EPB41L4B: variants seen among roughly 807,000 people sequenced by gnomAD.
EPB41L4B encodes band 4.1-like protein 4B.
EPB41L4B carries 30 observed loss-of-function variants against 112.5 expected under a neutral mutation model. The observed-to-expected ratio is 0.27, with a 90% CI of 0.20 to 0.36. The LOEUF (loss-of-function observed/expected upper bound fraction) is 0.36, where lower values mean the gene tolerates loss of function less well. EPB41L4B is among the 10% of genes least tolerant of loss of function. The pLI is 1.00. For missense variants in EPB41L4B, 1,024 were observed against 1,133.3 expected (o/e 0.90, Z 1.38); for synonymous variants, 408 against 439.7 (o/e 0.93, Z 0.90).
intron 24 of EPB41L4B, among the ~76,000 whole-genome samples, chr9:109,178,902 TAAA>T (rs10625718): frequency 9.5e-6 from 1 of 105,132 alleles, no homozygotes; most frequent in Non-Finnish European, 1.8e-5. Flanking sequence ...ATACTTCAAG[TAAA>T]AAAAAAAAAA....
intron 14 of EPB41L4B, among the ~76,000 whole-genome samples, chr9:109,245,813 T>C (rs919683371): frequency 6.6e-6 from 1 of 152,168 alleles, no homozygotes; most frequent in Non-Finnish European, 1.5e-5. Flanking sequence ...ACCTCTAAGA[T>C]TGGCAAGGTC....
At chr9:109,288,971 G>A (rs571951633) in intron 1 of EPB41L4B, among the ~76,000 whole-genome samples, 1 of 152,182 alleles carries the variant, frequency 6.6e-6, no homozygotes, top group Admixed American at 6.5e-5. Flanking sequence ...CCAATCTAAG[G>A]TATTTAGTCA....
chr9:109,293,742 T>G (rs182292759), intron 1 of EPB41L4B, among the ~76,000 whole-genome samples: 4 of 151,890 alleles, frequency 2.6e-5, no homozygotes, highest in Admixed American at 6.6e-5. Context: ...AACTGTTTTT[T>G]GAAGGGCACT....
intron 1 of EPB41L4B, among the ~76,000 whole-genome samples, chr9:109,288,377 G>C (rs949397778): frequency 6.6e-6 from 1 of 152,034 alleles, no homozygotes; most frequent in African/African-American, 2.4e-5. Flanking sequence ...GAGTCCAGGA[G>C]TTCCAGACCA....
intron 13 of EPB41L4B, 80 bp from the exon 14 acceptor site, chr9:109,247,869 A>G: frequency 1.7e-6 from 2 of 1,151,946 alleles, no homozygotes; most frequent in South Asian, 1.7e-5. Context: ...TTTATTTAAC[A>G]ATCATGAACT....
chr9:109,316,961 C>T (rs1006757335), intron 1 of EPB41L4B, among the ~76,000 whole-genome samples: 2 of 151,952 alleles, frequency 1.3e-5, no homozygotes, highest in Admixed American at 6.6e-5. Flanking sequence ...TTTAATTAGC[C>T]GGGTGTAGTG....
At position 109,211,410 on chromosome 9, in the gene EPB41L4B, C is replaced by A. The variant is rs557073379; in HGVS notation, c.1752+2290G>T. Among the ~76,000 whole-genome samples, 17 of 152,010 alleles carry A rather than the reference C, an allele frequency of 1.1e-4. No homozygotes were observed. The South Asian group carries it at 3.5e-3, about 32-fold the overall frequency. On this transcript the variant is annotated intron_variant, in intron 17 of 25. Transcript: ENST00000374566. ...AGGAGTTCAAGACCAGCCTGACCAA[C>A]ATGGTGAAATCCCATGTCTACTAAA...
chr9:109,245,115 C>T (rs1834503931), intron 14 of EPB41L4B, among the ~76,000 whole-genome samples: 1 of 152,240 alleles, frequency 6.6e-6, no homozygotes, highest in African/African-American at 2.4e-5. Context: ...GCTTTAGCAT[C>T]TCCCTGCTGC....
chr9:109,208,951 C>A lies in EPB41L4B; in HGVS notation c.1753-902G>T, dbSNP rs868379418. Among the ~76,000 whole-genome samples the A allele has an allele frequency of 1.1e-4, 16 of 152,172 alleles. No individual in the cohort carries two copies. The South Asian group carries it at 3.1e-3, about 30-fold the overall frequency. On this transcript the variant is annotated intron_variant, in intron 17 of 25. Transcript: ENST00000374566. The stretch of plus-strand genomic sequence containing the variant: ...AAAGAAGATTATGATAATATACAGT[C>A]ATTATTAGAAGAGACGTGTTTAATA...
chr9:109,220,194 T>C (rs1385150347), intron 15 of EPB41L4B, among the ~76,000 whole-genome samples: 1 of 152,166 alleles, frequency 6.6e-6, no homozygotes, highest in African/African-American at 2.4e-5. Flanking sequence ...TTTGTGTGTG[T>C]AGAATTTCTT....
At chr9:109,256,323 T>C in intron 8 of EPB41L4B, 70 bp downstream of exon 8, 2 of 1,593,702 alleles carry the variant, frequency 1.3e-6, no homozygotes, top group South Asian at 2.2e-5. Flanking sequence ...CAAGTTATTT[T>C]GTTTGCATAA....
At chr9:109,239,836 G>A (rs1384571868) in intron 15 of EPB41L4B, 1 of 985,328 alleles carries the variant, frequency 1.0e-6, no homozygotes, top group South Asian at 4.7e-5. Flanking sequence ...AGCACAAGTA[G>A]CCAGGACAAA....
At chr9:109,297,194 TG>T (rs1278183954) in intron 1 of EPB41L4B, among the ~76,000 whole-genome samples, 3 of 15,204 alleles carry the variant, frequency 2.0e-4, no homozygotes, top group Admixed American at 5.7e-4. Context: ...AAGAGGCAGC[TG>T]GGGGGGTGGG....
At chr9:109,289,883 T>C (rs1177540525) in intron 1 of EPB41L4B, among the ~76,000 whole-genome samples, 1 of 152,280 alleles carries the variant, frequency 6.6e-6, no homozygotes, top group Non-Finnish European at 1.5e-5. Flanking sequence ...AATTGGCCTA[T>C]GATCTATCCT....
chr9:109,184,785 T>C (rs1832197236), intron 23 of EPB41L4B, among the ~76,000 whole-genome samples: 1 of 152,364 alleles, frequency 6.6e-6, no homozygotes, highest in African/African-American at 2.4e-5. Context: ...AAAAGCTATA[T>C]GTGTTCTCCC....
intron 15 of EPB41L4B, chr9:109,241,867 A>T (rs1834364738): frequency 6.3e-7 from 1 of 1,575,086 alleles, no homozygotes; most frequent in African/African-American, 1.3e-5. Context: ...GCAGAAATGT[A>T]AGTGAAACAA....
At chr9:109,312,516 C>T (rs1180361426) in intron 1 of EPB41L4B, among the ~76,000 whole-genome samples, 1 of 152,116 alleles carries the variant, frequency 6.6e-6, no homozygotes, top group Admixed American at 6.5e-5. Context: ...CCCTCCCACC[C>T]CCCTCGCCCA....
Position 109,217,125 on chromosome 9 carries a change from A to C in EPB41L4B, c.1430T>G (p.Val477Gly). ...PNVSYPLPSP[V>G]LSSSDRLPFG... Reference sequence around the variant, plus strand: ...AGGCAACCGGTCCGAGCTGCTAAGCACTGGGGAAGGGAGCGGGTAGCTGTG... The same window carrying C: ...AGGCAACCGGTCCGAGCTGCTAAGCCCTGGGGAAGGGAGCGGGTAGCTGTG... The change falls in exon 16 of 26, where the codon GTG (valine) becomes GGG (glycine). Residue 477 changes from valine to glycine, a missense_variant. Physicochemically the swap from Val to Gly is moderately radical, Grantham distance 109 (BLOSUM62 -3). Transcript: ENST00000374566. 1.2e-6 allele frequency: 2 copies of C among 1,614,058 alleles called. No homozygotes were observed. Among genetic ancestry groups the C allele is most frequent in the Non-Finnish European group, 1.7e-6 (2 of 1,180,038 alleles).
At chr9:109,279,960 G>A in intron 1 of EPB41L4B, 39 bp from the exon 2 acceptor site, 1 of 1,515,836 alleles carries the variant, frequency 6.6e-7, no homozygotes, top group Non-Finnish European at 9.1e-7. Context: ...CTTAGGGTGA[G>A]ACAGCTAGAT....
Sources: gnomAD v4.1 joint callset for allele counts (sites outside exome capture counted in the v4.1 genomes callset) on GRCh38, gnomAD v4.1.1 for gene constraint, MANE v1.5 for transcripts, NCBI Gene and HGNC (gene_info 2026-07-23, HGNC 2026-07-21) for gene names.